Variants in TTLL5 observed in about 807,000 individuals in gnomAD.
TTLL5 encodes the protein tubulin polyglutamylase TTLL5.
TTLL5 carries 132 observed loss-of-function variants against 168.4 expected under a neutral mutation model. That is an observed-to-expected ratio of 0.78 (90% CI 0.68 to 0.91). The LOEUF is 0.91. TTLL5 is among the 40% of genes least tolerant of loss of function. The probability of loss-of-function intolerance (pLI) is 0.00; values close to 1 mark genes in which losing one functional copy is unlikely to be tolerated. For synonymous variants in TTLL5, 546 were observed against 558.6 expected, an observed-to-expected ratio of 0.98 and a Z score of 0.32; for missense variants, 1,545 against 1,581.5, an observed-to-expected ratio of 0.98 and a Z score of 0.39.
chr14:75,835,828 A>G (rs1044449587), intron 28 of TTLL5, among the ~76,000 whole-genome samples: 2 of 152,232 alleles, frequency 1.3e-5, no homozygotes, highest in Non-Finnish European at 2.9e-5. Flanking sequence ...AGAAATGCAA[A>G]TCAAAACTTC....
intron 28 of TTLL5, among the ~76,000 whole-genome samples, chr14:75,854,597 C>T (rs1052246144): frequency 1.3e-5 from 2 of 152,160 alleles, no homozygotes; most frequent in African/African-American, 4.8e-5. Context: ...CAGTAGTTTT[C>T]TGAAACGATT....
intron 27 of TTLL5, among the ~76,000 whole-genome samples, chr14:75,804,555 G>T (rs972882374): frequency 6.6e-6 from 1 of 152,194 alleles, no homozygotes; most frequent in African/African-American, 2.4e-5. Context: ...GGACACATTT[G>T]AACTTAGGTA....
intron 31 of TTLL5, 122 bp downstream of exon 31, chr14:75,902,346 A>G: frequency 1.9e-6 from 2 of 1,039,934 alleles, no homozygotes; most frequent in Admixed American, 2.2e-5. Flanking sequence ...CTAGCCTCTC[A>G]AAACATTGGC....
At position 75,807,573 on chromosome 14, in the gene TTLL5, G is replaced by A. The variant is rs569622257; in HGVS notation, c.3172-12434G>A. Among the ~76,000 whole-genome samples, 3 of 152,302 alleles carry A rather than the reference G, an allele frequency of 2.0e-5. No individual in the cohort carries two copies. The East Asian group carries it at 5.8e-4, about 29-fold the overall frequency. ...GCATTATCTCTTTAACCCTAATGAG[G>A]TGTAGGTACTTACTTTTTGCCAATT... is the stretch of plus-strand genomic sequence containing the variant. On this transcript the variant is annotated intron_variant, in intron 27 of 31. Coordinates refer to ENST00000298832, the MANE Select transcript of TTLL5 (RefSeq NM_015072.5).
At chr14:75,731,348 G>T (rs974920047) in intron 12 of TTLL5, among the ~76,000 whole-genome samples, 11 of 138,642 alleles carry the variant, frequency 7.9e-5, no homozygotes, top group Non-Finnish European at 1.4e-4. Context: ...TATATATATA[G>T]ATATAGCTAT....
intron 21 of TTLL5, among the ~76,000 whole-genome samples, chr14:75,773,927 T>TATAGAGAGAGAGAGAG (rs1354936334): frequency 1.9e-4 from 4 of 21,130 alleles, no homozygotes; most frequent in African/African-American, 2.9e-4. Flanking sequence ...TATATATATA[T>TATAGAGAGAGAGAGAG]AGAGAGAGAG....
chr14:75,710,198 A>G (rs970891902), intron 9 of TTLL5: 1 of 152,206 alleles, frequency 6.6e-6, no homozygotes, highest in African/African-American at 2.4e-5. Flanking sequence ...TACAATATTA[A>G]CAGCCCTCTC....
intron 7 of TTLL5, among the ~76,000 whole-genome samples, chr14:75,699,504 G>C (rs1040811632): frequency 6.6e-6 from 1 of 152,212 alleles, no homozygotes. Context: ...GATTTTAGGG[G>C]AGGGCAACCT....
chr14:75,662,991 CCAAT>C (rs1890856094), intron 1 of TTLL5, 60 bp from the exon 2 acceptor site: 1 of 715,444 alleles, frequency 1.4e-6, no homozygotes, highest in Admixed American at 2.0e-5. Flanking sequence ...TCAGCAATAA[CCAAT>C]AAATAGACAA....
intron 30 of TTLL5, chr14:75,887,007 G>A (rs751850082): frequency 1.2e-5 from 16 of 1,363,720 alleles, no homozygotes; most frequent in Non-Finnish European, 1.4e-5. Flanking sequence ...CTGAACTGCA[G>A]TACTTTTCCT....
In TTLL5 at chr14:75,720,704, G is replaced by C; in HGVS notation, c.1042+1G>C. The C allele has an allele frequency of 1.2e-6, 2 of 1,611,374 alleles. No individual in the cohort carries two copies. Among genetic ancestry groups the C allele is most frequent in the Non-Finnish European group, 1.7e-6 (2 of 1,177,630 alleles). On this transcript the variant is annotated splice_donor_variant, in intron 12 of 31. Transcript: ENST00000298832. LOFTEE classifies it high-confidence loss of function. ...GTTCCTCATCGCAGCAGTTGTTTTG[G>C]TAAGGAGACTCAAGAAGCTTAACAT...
At chr14:75,696,296 A>G (rs1248519003) in intron 6 of TTLL5, among the ~76,000 whole-genome samples, 3 of 152,166 alleles carry the variant, frequency 2.0e-5, no homozygotes, top group Non-Finnish European at 4.4e-5. Flanking sequence ...CGGCTAGTCT[A>G]ATCTTCATGA....
At chr14:75,835,892 A>C (rs1462973654) in intron 28 of TTLL5, among the ~76,000 whole-genome samples, 1 of 152,196 alleles carries the variant, frequency 6.6e-6, no homozygotes, top group Non-Finnish European at 1.5e-5. Flanking sequence ...AAGACAAGTA[A>C]TGATGCTGGC....
Position 75,820,114 on chromosome 14 carries a change from G to T in TTLL5, c.3279G>T (p.Gln1093His). ...ISPSGPTWST[Q>H]SDPQAPENHS... Reference sequence around the variant, plus strand: ...CTAGTGGCCCGACATGGTCTACACAGTCAGACCCCCAAGCTCCCGAGAATC... The same window carrying T: ...CTAGTGGCCCGACATGGTCTACACATTCAGACCCCCAAGCTCCCGAGAATC... The change falls in exon 28 of 32, where the codon CAG becomes CAT. Residue 1093 changes from glutamine to histidine, a missense_variant. Coordinates refer to ENST00000298832, the MANE Select transcript of TTLL5 (RefSeq NM_015072.5). 23 of 1,602,228 alleles carry T rather than the reference G, an allele frequency of 1.4e-5. No homozygotes were observed. Among genetic ancestry groups the T allele is most frequent in the Non-Finnish European group, 2.0e-5 (23 of 1,174,880 alleles).
chr14:75,676,079 G>C (rs1487118220), intron 3 of TTLL5, among the ~76,000 whole-genome samples: 1 of 152,146 alleles, frequency 6.6e-6, no homozygotes, highest in Admixed American at 6.5e-5. Context: ...CAGGCAGAGA[G>C]AGAGCAAAAC....
chr14:75,898,692 C>CAGT (rs2032785403), intron 30 of TTLL5, among the ~76,000 whole-genome samples: 1 of 152,140 alleles, frequency 6.6e-6, no homozygotes, highest in Non-Finnish European at 1.5e-5. Flanking sequence ...TCCCATAATA[C>CAGT]AAGCCTACTT....
chr14:75,732,530 AT>A, intron 13 of TTLL5, 111 bp downstream of exon 13: 1 of 885,150 alleles, frequency 1.1e-6, no homozygotes, highest in African/African-American at 1.7e-5. Flanking sequence ...TTTCCTAGTT[AT>A]TAGGTGGAGA....
intron 6 of TTLL5, among the ~76,000 whole-genome samples, chr14:75,690,700 C>T (rs1318924992): frequency 2.6e-5 from 4 of 151,902 alleles, no homozygotes; most frequent in South Asian, 2.1e-4. Context: ...GCTCACTGCA[C>T]CCTCTGCTTC....
At chr14:75,804,050 CTG>C (rs1383641167) in intron 27 of TTLL5, among the ~76,000 whole-genome samples, 1 of 152,186 alleles carries the variant, frequency 6.6e-6, no homozygotes, top group Admixed American at 6.5e-5. Flanking sequence ...AACGAATGTG[CTG>C]TGTCAGTCTC....
Sources: allele counts gnomAD v4.1 joint callset (sites outside exome capture counted in the v4.1 genomes callset), GRCh38; gene constraint gnomAD v4.1.1; transcripts MANE v1.5; gene names NCBI Gene and HGNC (gene_info 2026-07-23, HGNC 2026-07-21).